The following POLE2 variants were observed in gnomAD, a reference collection of about 807,000 sequenced individuals.
POLE2 encodes the protein DNA polymerase epsilon 2, accessory subunit, also known as DNA polymerase epsilon subunit 2.
A neutral mutation model predicts 79.4 loss-of-function variants in POLE2; 56 were observed. The observed-to-expected ratio is 0.71, with a 90% CI of 0.57 to 0.88. The LOEUF (loss-of-function observed/expected upper bound fraction) is 0.88. Among genes scored for constraint, POLE2 ranks in the 40% least tolerant of loss-of-function variants. The pLI is 0.00. For synonymous variants in POLE2, 212 were observed against 214.0 expected (o/e 0.99, Z 0.08); for missense variants, 598 against 638.9 (o/e 0.94, Z 0.69).
In POLE2 at chr14:49,654,953, CTTTAG is replaced by C. The variant is rs1004604100; in HGVS notation, c.1018+47_1018+51del. 51 of 1,374,528 alleles carry C rather than the reference CTTTAG, an allele frequency of 3.7e-5. No homozygotes were observed. In the African/African-American group the frequency reaches 7.2e-4, roughly 19 times the overall value. The allele number at this position is 1,374,528 out of a possible 1,614,324, so 85.1% of individuals were successfully genotyped here. On this transcript the variant is annotated intron_variant, in intron 12 of 18. Coordinates refer to ENST00000216367, the MANE Select transcript of POLE2 (RefSeq NM_002692.4). ...AAATATTATGGATAATTTCTTATTA[CTTTAG>C]TTTATATGACTATAGAAACACTTCT...
At position 49,674,106 on chromosome 14, in the gene POLE2, C is replaced by A; in HGVS notation, c.417+17G>T. 7.0e-7 allele frequency: 1 copy of A among 1,430,104 alleles called. No homozygotes were observed. The highest frequency in any genetic ancestry group is 9.9e-7 in the Non-Finnish European group (1 of 1,012,362). 88.6% of individuals were successfully genotyped at this position (1,430,104 alleles called of 1,614,324 possible). ...ATTTTACCCAGTATCCTCCCCTCCG[C>A]CCCCTACCAAACTTACCTGGTGCAA... On this transcript the variant is annotated intron_variant, in intron 5 of 18. Coordinates refer to ENST00000216367, the MANE Select transcript of POLE2 (RefSeq NM_002692.4).
chr14:49,658,227 C>T (rs552600907), intron 10 of POLE2, among the ~76,000 whole-genome samples: 1 of 152,292 alleles, frequency 6.6e-6, no homozygotes, highest in South Asian at 2.1e-4. Context: ...CAGGCACCTG[C>T]CACCACGCCC....
At chr14:49,678,230 T>C (rs921812416) in intron 3 of POLE2, among the ~76,000 whole-genome samples, 4 of 152,086 alleles carry the variant, frequency 2.6e-5, no homozygotes, top group African/African-American at 9.7e-5. Context: ...CTCGAACTCC[T>C]GACCTCAGGT....
chr14:49,684,370 C>G lies in POLE2; in HGVS notation c.69-677G>C, dbSNP rs45590335. Among the ~76,000 whole-genome samples the G allele has an allele frequency of 7.3e-3, 1,102 of 151,032 alleles. 12 individuals are homozygous for G. The highest frequency in any genetic ancestry group is 0.025 in the African/African-American group (1,040 of 41,116). On this transcript the variant is annotated intron_variant, in intron 1 of 18. Transcript: ENST00000216367. ...GTCCCAGATACTCGGGAGACTGAGG[C>G]AGGAGAATGGCGTGAACCCGGGAGG...
chr14:49,674,319 T>C, intron 4 of POLE2, 31 bp downstream of exon 4: 1 of 1,527,910 alleles, frequency 6.5e-7, no homozygotes, highest in Non-Finnish European at 9.1e-7. Context: ...ACATTTGAAA[T>C]TAATTTAAAA....
chr14:49,654,072 A>T lies in POLE2; in HGVS notation c.1134-5T>A. On this transcript the variant is annotated splice_region_variant and splice_polypyrimidine_tract_variant and intron_variant, in intron 14 of 18. Transcript: ENST00000216367. ...ATGCTTTCAGCAAGTGGTGGCCTAT[A>T]AAAACAATTTATGTGATATAGTTTA... The T allele has an allele frequency of 6.2e-7, 1 of 1,600,342 alleles. No homozygotes were observed. The highest frequency in any genetic ancestry group is 1.1e-5 in the South Asian group (1 of 90,458).
At chr14:49,682,805 TA>T (rs1886827975) in intron 2 of POLE2, among the ~76,000 whole-genome samples, 1 of 151,658 alleles carries the variant, frequency 6.6e-6, no homozygotes, top group Admixed American at 6.6e-5. Flanking sequence ...AAAATTAAGT[TA>T]AAATGACTAG....
intron 5 of POLE2, among the ~76,000 whole-genome samples, chr14:49,670,172 TG>T (rs1885775750): frequency 6.6e-6 from 1 of 151,418 alleles, no homozygotes. Context: ...AAAAATTAGC[TG>T]GGTGTGGTGG....
intron 18 of POLE2, among the ~76,000 whole-genome samples, chr14:49,646,366 G>A (rs570740295): frequency 9.8e-5 from 13 of 132,876 alleles, no homozygotes; most frequent in Non-Finnish European, 1.8e-4. Flanking sequence ...TGCCCAGGCT[G>A]GAGTGCAGTG....
At position 49,674,175 on chromosome 14, in the gene POLE2, G is replaced by A. The variant is rs897035611; in HGVS notation, c.365C>T (p.Thr122Ile). The change falls in exon 5 of 19, where the codon ACA (threonine) becomes ATA (isoleucine). Residue 122 changes from threonine to isoleucine, a missense_variant. Transcript: ENST00000216367. ...AAACATCTCTGCTTTATCTCTTGGT[G>A]TTCCAAATAAATTTGGTGCAGGGTG... ...TNHPAPNLFG[T>I]PRDKAEMFRE... 1.2e-6 allele frequency: 2 copies of A among 1,613,422 alleles called. No homozygotes were observed. Among genetic ancestry groups the A allele is most frequent in the Admixed American group, 1.7e-5 (1 of 60,006 alleles).
At chr14:49,647,753 C>T (rs1489154386) in intron 17 of POLE2, among the ~76,000 whole-genome samples, 1 of 152,160 alleles carries the variant, frequency 6.6e-6, no homozygotes, top group Non-Finnish European at 1.5e-5. Context: ...CCACCGTGCC[C>T]AGCCGAATAC....
At position 49,664,682 on chromosome 14, in the gene POLE2, A is replaced by G. The variant is rs373283232; in HGVS notation, c.634-8T>C. The G allele has an allele frequency of 6.5e-5, 100 of 1,548,372 alleles. No homozygotes were observed. The highest frequency in any genetic ancestry group is 8.3e-5 in the Non-Finnish European group (93 of 1,121,112). On this transcript the variant is annotated splice_region_variant and splice_polypyrimidine_tract_variant and intron_variant, in intron 8 of 18. Transcript: ENST00000216367. ...TAAACCACTATGGAACTGGTACACAACAGTTGAGGAAAATAATTCTATTCT... is the reference window on the plus strand; with the variant it reads ...TAAACCACTATGGAACTGGTACACAGCAGTTGAGGAAAATAATTCTATTCT...
intron 3 of POLE2, among the ~76,000 whole-genome samples, chr14:49,675,938 G>C (rs895809997): frequency 6.6e-6 from 1 of 151,994 alleles, no homozygotes; most frequent in Non-Finnish European, 1.5e-5. Context: ...ATTTTTAGTA[G>C]AGACGGGTTT....
At chr14:49,672,760 A>G (rs1885992357) in intron 5 of POLE2, among the ~76,000 whole-genome samples, 2 of 152,060 alleles carry the variant, frequency 1.3e-5, no homozygotes, top group Admixed American at 1.3e-4. Context: ...CGGCCTCCCA[A>G]AGTGCTGGGA....
chr14:49,646,524 T>C (rs1021852256), intron 18 of POLE2: 2 of 151,988 alleles, frequency 1.3e-5, no homozygotes, highest in African/African-American at 4.8e-5. Context: ...GGTTTCACCA[T>C]GTTGGTCAGG....
At chr14:49,676,847 C>A (rs1055506452) in intron 3 of POLE2, among the ~76,000 whole-genome samples, 9 of 152,344 alleles carry the variant, frequency 5.9e-5, no homozygotes, top group African/African-American at 2.2e-4. Context: ...GCTGAACTGG[C>A]ATCACCAGGA....
intron 5 of POLE2, among the ~76,000 whole-genome samples, chr14:49,670,580 T>A (rs1885815990): frequency 6.6e-6 from 1 of 152,144 alleles, no homozygotes; most frequent in Non-Finnish European, 1.5e-5. Flanking sequence ...AAGTACTCCA[T>A]CCTTTGGCCA....
chr14:49,655,119 C>G, intron 11 of POLE2, 25 bp from the exon 12 acceptor site: 1 of 1,149,876 alleles, frequency 8.7e-7, no homozygotes, highest in Non-Finnish European at 1.2e-6. Flanking sequence ...AGTAAATGAA[C>G]AATACTTTTC....
chr14:49,665,218 C>A, intron 7 of POLE2, 55 bp from the exon 8 acceptor site: 2 of 754,290 alleles, frequency 2.7e-6, no homozygotes, highest in Non-Finnish European at 4.6e-6. Flanking sequence ...AAACCGTTGA[C>A]AAAAAAATTA....
Sources: allele counts gnomAD v4.1 joint callset (sites outside exome capture counted in the v4.1 genomes callset), GRCh38; gene constraint gnomAD v4.1.1; transcripts MANE v1.5; gene names NCBI Gene and HGNC (gene_info 2026-07-23, HGNC 2026-07-21).